The following PPP6R2 variants were observed in gnomAD, a reference collection of about 807,000 sequenced individuals.
PPP6R2 encodes protein phosphatase 6 regulatory subunit 2, also known as serine/threonine-protein phosphatase 6 regulatory subunit 2.
A neutral mutation model predicts 100.2 loss-of-function variants in PPP6R2; 62 were observed. The observed-to-expected ratio is 0.62, with a 90% CI of 0.50 to 0.76. The LOEUF (loss-of-function observed/expected upper bound fraction) is 0.76, where lower values mean the gene tolerates loss of function less well. PPP6R2 is among the 30% of genes least tolerant of loss of function. The probability of loss-of-function intolerance (pLI) is 0.00; values close to 1 mark genes in which losing one functional copy is unlikely to be tolerated. For missense variants in PPP6R2, 1,142 were observed against 1,276.3 expected, an observed-to-expected ratio of 0.89 and a Z score of 1.60; for synonymous variants, 525 against 514.7, an observed-to-expected ratio of 1.02 and a Z score of -0.27.
At chr22:50,390,814 C>G (rs182321807) in intron 2 of PPP6R2, among the ~76,000 whole-genome samples, 1 of 148,916 alleles carries the variant, frequency 6.7e-6, no homozygotes, top group Non-Finnish European at 1.5e-5. Context: ...GCCTGACTAA[C>G]ATGGTAAAAC....
chr22:50,422,613 C>A (rs1227047466), intron 9 of PPP6R2, among the ~76,000 whole-genome samples: 2 of 152,178 alleles, frequency 1.3e-5, no homozygotes, highest in African/African-American at 2.4e-5. Flanking sequence ...GCAAATGACC[C>A]CGAGGTCACC....
At chr22:50,336,729 CAG>C in the PPP6R2 span, among the ~76,000 whole-genome samples, 1 of 151,916 alleles carries the variant, frequency 6.6e-6, no homozygotes, top group Non-Finnish European at 1.5e-5. Flanking sequence ...AATTTAGAGA[CAG>C]GGTCTTGCTC....
At chr22:50,412,966 G>GT (rs771385649) in intron 4 of PPP6R2, among the ~76,000 whole-genome samples, 2,083 of 121,288 alleles carry the variant, frequency 0.017, 77 homozygotes, top group Admixed American at 0.095. Context: ...TTTTTTTTTT[G>GT]TTTTTTTTTT....
At chr22:50,404,022 G>A (rs2058451129) in intron 3 of PPP6R2, among the ~76,000 whole-genome samples, 2 of 152,188 alleles carry the variant, frequency 1.3e-5, no homozygotes, top group South Asian at 4.1e-4. Flanking sequence ...GAAGGTCATA[G>A]CAGCTGACCT....
intron 13 of PPP6R2, among the ~76,000 whole-genome samples, chr22:50,435,946 C>G: frequency 6.6e-6 from 1 of 152,200 alleles, no homozygotes; most frequent in East Asian, 1.9e-4. Context: ...GCAGGACACG[C>G]GCCCAGGCCT....
chr22:50,424,191 G>A (rs184044942), intron 10 of PPP6R2, among the ~76,000 whole-genome samples: 16 of 152,292 alleles, frequency 1.1e-4, no homozygotes, highest in Admixed American at 9.8e-4. Context: ...CCCTGAGAAC[G>A]AAGGGCACTG....
At chr22:50,441,666 C>T (rs73172221) in intron 22 of PPP6R2, among the ~76,000 whole-genome samples, 14,958 of 136,336 alleles carry the variant, frequency 0.11, 915 homozygotes, top group African/African-American at 0.17. Flanking sequence ...TCCCTTGAGC[C>T]CCCAAGAGCC....
At position 50,438,221 on chromosome 22, in the gene PPP6R2, C is replaced by CT. The variant is rs775810444; in HGVS notation, c.1890dup (p.Asp631Ter). 1 of 1,613,974 alleles carries CT rather than the reference C, an allele frequency of 6.2e-7. No individual in the cohort carries two copies. The highest frequency in any genetic ancestry group is 2.2e-5 in the East Asian group (1 of 44,874). On this transcript the variant is annotated frameshift_variant, in exon 18 of 24. Coordinates refer to ENST00000612753, the MANE Select transcript of PPP6R2 (RefSeq NM_001242898.2). LOFTEE classifies it high-confidence loss of function. ...CCTGCTGCAGTGACCGCATCCAGCCCTTTGATGATGATGAGGACGAGGACA... is the reference window on the plus strand; with the variant it reads ...CCTGCTGCAGTGACCGCATCCAGCCCTTTTGATGATGATGAGGACGAGGACA...
intron 2 of PPP6R2, among the ~76,000 whole-genome samples, chr22:50,380,741 G>A (rs536374017): frequency 1.3e-5 from 2 of 150,878 alleles, no homozygotes; most frequent in East Asian, 4.1e-4. Flanking sequence ...TGTAATCCCA[G>A]CACTTTGGGA....
chr22:50,375,664 G>A (rs1055202142), intron 2 of PPP6R2, among the ~76,000 whole-genome samples: 1 of 151,994 alleles, frequency 6.6e-6, no homozygotes, highest in East Asian at 1.9e-4. Flanking sequence ...TTGTAGCTCT[G>A]TATTGGCCTT....
intron 10 of PPP6R2, among the ~76,000 whole-genome samples, chr22:50,429,744 T>G (rs2062805868): frequency 6.6e-6 from 1 of 152,220 alleles, no homozygotes; most frequent in South Asian, 2.1e-4. Flanking sequence ...AAATAAATGT[T>G]TGGTAGAATT....
At chr22:50,440,147 G>C in intron 21 of PPP6R2, 98 bp downstream of exon 21, 6 of 1,123,666 alleles carry the variant, frequency 5.3e-6, no homozygotes, top group Non-Finnish European at 6.3e-6. Flanking sequence ...GAGGTGGCCG[G>C]GGCCTCGCAT....
chr22:50,413,904 G>C (rs934734401), intron 4 of PPP6R2, among the ~76,000 whole-genome samples: 3 of 152,194 alleles, frequency 2.0e-5, no homozygotes, highest in African/African-American at 7.2e-5. Flanking sequence ...AGCGAGCCCA[G>C]CCTTCACTTC....
In PPP6R2 at chr22:50,437,035, G is replaced by A; in HGVS notation, c.1650G>A (p.Glu550=). The change falls in exon 15 of 24, where the codon GAG becomes GAA. Residue 550 remains glutamate (E), a synonymous_variant. Transcript: ENST00000612753. The part of the protein sequence containing the change: ...LHSSSEDEDI[E]GAFPNELSLQ... ...CCTCAAGTGAGGACGAGGACATTGAGGGTGCTTTCCCTAACGAGCTGTCCC... is the reference window on the plus strand; with the variant it reads ...CCTCAAGTGAGGACGAGGACATTGAAGGTGCTTTCCCTAACGAGCTGTCCC... 6.4e-7 allele frequency: 1 copy of A among 1,563,146 alleles called. No homozygotes were observed. The highest frequency in any genetic ancestry group is 8.7e-7 in the Non-Finnish European group (1 of 1,153,984).
At chr22:50,406,583 G>A (rs2058992427) in intron 3 of PPP6R2, 106 bp from the exon 4 acceptor site, 1 of 1,044,902 alleles carries the variant, frequency 9.6e-7, no homozygotes. Context: ...TGTAGTGTTT[G>A]TTTGATCACG....
At chr22:50,350,166 G>A (rs183648959) in intron 1 of PPP6R2, among the ~76,000 whole-genome samples, 49 of 152,232 alleles carry the variant, frequency 3.2e-4, no homozygotes, top group Admixed American at 1.2e-3. Context: ...ATTAAAAGCA[G>A]CTCCTTATCT....
intron 3 of PPP6R2, among the ~76,000 whole-genome samples, chr22:50,404,199 A>G (rs1603250249): frequency 6.8e-6 from 1 of 147,800 alleles, no homozygotes; most frequent in African/African-American, 2.5e-5. Flanking sequence ...GGTTCAAGTG[A>G]TTCTCCTGCC....
intron 22 of PPP6R2, 148 bp from the exon 23 acceptor site, chr22:50,443,718 G>A (rs2066400722): frequency 8.5e-7 from 1 of 1,171,898 alleles, no homozygotes; most frequent in Non-Finnish European, 1.2e-6. Flanking sequence ...CACAACCTGG[G>A]CCACCCCACA....
chr22:50,349,287 T>C (rs2044455417), intron 1 of PPP6R2, among the ~76,000 whole-genome samples: 1 of 132,052 alleles, frequency 7.6e-6, no homozygotes, highest in Non-Finnish European at 1.5e-5. Flanking sequence ...CACCTGAGCC[T>C]GGGGAGGTCA....
Sources: gnomAD v4.1 joint callset for allele counts (sites outside exome capture counted in the v4.1 genomes callset) on GRCh38, gnomAD v4.1.1 for gene constraint, MANE v1.5 for transcripts, NCBI Gene and HGNC (gene_info 2026-07-23, HGNC 2026-07-21) for gene names.